PON1: variants seen among roughly 807,000 people sequenced by gnomAD.
PON1 encodes the protein serum paraoxonase/arylesterase 1.
Under a neutral mutation model 39.2 loss-of-function variants are expected in PON1, and 37 were observed. The ratio of observed to expected loss-of-function variants is 0.94; its 90% CI spans 0.73 to 1.24. The LOEUF is 1.24. PON1 is among the 50% of genes most tolerant of loss of function. PON1 has a pLI of 0.00. For missense variants in PON1, 397 were observed against 413.5 expected, an observed-to-expected ratio of 0.96 and a Z score of 0.35; for synonymous variants, 148 against 152.2, an observed-to-expected ratio of 0.97 and a Z score of 0.21.
rs10548570 is a variant in PON1, at chr7:95,308,475, CGT to C, written c.498-266_498-265del. Among the ~76,000 whole-genome samples the C allele has an allele frequency of 0.34, 49,532 of 146,776 alleles. 8,399 individuals carry two copies. The highest frequency in any genetic ancestry group is 0.62 in the East Asian group (3,072 of 4,986). On this transcript the variant is annotated intron_variant, in intron 5 of 8. Transcript: ENST00000222381. ...TATGTATCTTAAAATAGTGTTACGTCGTGTGTGTGTGTGTGTGTGTGTGTGTG... is the reference window on the plus strand; with the variant it reads ...TATGTATCTTAAAATAGTGTTACGTCGTGTGTGTGTGTGTGTGTGTGTGTG...
chr7:95,315,816 G>T (rs1807755421), intron 3 of PON1, among the ~76,000 whole-genome samples: 1 of 152,196 alleles, frequency 6.6e-6, no homozygotes. Flanking sequence ...AGTCTTCAAT[G>T]ATATAAGCAA....
chr7:95,304,327 CTTTTT>C (rs34709624), intron 7 of PON1, among the ~76,000 whole-genome samples: 3 of 109,522 alleles, frequency 2.7e-5, no homozygotes, highest in African/African-American at 8.1e-5. Flanking sequence ...AACTTCATTC[CTTTTT>C]TTTTTTTTTT....
Position 95,298,435 on chromosome 7 carries a change from C to CAG in PON1, c.*508_*509insCT, listed in dbSNP as rs1807332830. On this transcript the variant is annotated 3_prime_UTR_variant, in exon 9 of 9. Transcript: ENST00000222381. ...AATGGGAGTAAGTAAGTCTGACTGC[C>CAG]ATAGTCAGACTTACTATGTGCATGG... is the stretch of plus-strand genomic sequence containing the variant. The CAG allele has an allele frequency of 5.6e-6, 1 of 177,046 alleles. No individual in the cohort carries two copies. Among genetic ancestry groups the CAG allele is most frequent in the Admixed American group, 5.4e-5 (1 of 18,532 alleles). The allele number at this position is 177,046 out of a possible 1,614,324, so 11.0% of individuals were successfully genotyped here.
chr7:95,305,331 A>G (rs1807516821), intron 7 of PON1, among the ~76,000 whole-genome samples: 1 of 151,914 alleles, frequency 6.6e-6, no homozygotes, highest in South Asian at 2.1e-4. Context: ...TTGTGTTTTC[A>G]CCCATTTTGA....
intron 1 of PON1, among the ~76,000 whole-genome samples, chr7:95,319,288 C>A (rs1200065363): frequency 6.6e-6 from 1 of 152,040 alleles, no homozygotes; most frequent in Non-Finnish European, 1.5e-5. Flanking sequence ...GGATGGGCTA[C>A]AGGCGGAACA....
intron 3 of PON1, among the ~76,000 whole-genome samples, chr7:95,316,274 AG>A (rs1320867786): frequency 6.6e-6 from 1 of 152,198 alleles, no homozygotes; most frequent in African/African-American, 2.4e-5. Flanking sequence ...CTGTCTTCAA[AG>A]CTTGGGAATT....
chr7:95,307,331 GC>G (rs1807564638), intron 6 of PON1, among the ~76,000 whole-genome samples: 1 of 152,032 alleles, frequency 6.6e-6, no homozygotes, highest in East Asian at 1.9e-4. Context: ...AGGATTACAG[GC>G]ATGAACCACC....
In PON1 at chr7:95,316,614, C is replaced by G. The variant is rs947230511; in HGVS notation, c.201+120G>C. On this transcript the variant is annotated intron_variant, in intron 3 of 8. Coordinates refer to ENST00000222381, the MANE Select transcript of PON1 (RefSeq NM_000446.7). The stretch of plus-strand genomic sequence containing the variant: ...ATGCATACACAATTTGTCTTTTAAA[C>G]CATGACTGTTCATTTTATTTGAAAG... 2.8e-5 allele frequency: 24 copies of G among 868,522 alleles called. 1 individual carries two copies. In the Admixed American group the frequency reaches 4.1e-4, roughly 15 times the overall value. 53.8% of individuals were successfully genotyped at this position (868,522 alleles called of 1,614,324 possible).
intron 8 of PON1, among the ~76,000 whole-genome samples, chr7:95,300,371 T>A (rs562886554): frequency 1.3e-5 from 2 of 152,324 alleles, no homozygotes; most frequent in South Asian, 4.1e-4. Context: ...TAAGCCTTTA[T>A]GATAATATAT....
In PON1 at chr7:95,299,104, T is replaced by C; in HGVS notation, c.910-2A>G. 6.2e-7 allele frequency: 1 copy of C among 1,613,786 alleles called. No individual in the cohort carries two copies. The highest frequency in any genetic ancestry group is 8.5e-7 in the Non-Finnish European group (1 of 1,179,636). On this transcript the variant is annotated splice_acceptor_variant, in intron 8 of 8. Transcript: ENST00000222381. LOFTEE classifies it high-confidence loss of function. Reference sequence around the variant, plus strand: ...TAGAATGTTCTGGATTCGAAGCACCTGTGGAAGAAATAACATTGGGTTAAT... The same window carrying C: ...TAGAATGTTCTGGATTCGAAGCACCCGTGGAAGAAATAACATTGGGTTAAT...
intron 7 of PON1, among the ~76,000 whole-genome samples, chr7:95,305,652 C>T (rs1030857575): frequency 3.3e-5 from 5 of 151,984 alleles, no homozygotes; most frequent in African/African-American, 9.7e-5. Flanking sequence ...ATCGAGGTGA[C>T]GTTTTAGTAA....
intron 7 of PON1, 150 bp downstream of exon 7, chr7:95,306,135 C>T (rs1807535502): frequency 1.4e-6 from 1 of 701,926 alleles, no homozygotes; most frequent in Admixed American, 2.0e-5. Flanking sequence ...ACAACAAACA[C>T]ATAACCAAGC....
Position 95,320,338 on chromosome 7 carries a change from T to C in PON1, c.75-1945A>G, listed in dbSNP as rs1807868509. Reference sequence around the variant, plus strand: ...CTTCTCTCTCATAGAAGATGATCTCTAGCCTGGAAAACATAGAATAATCAC... The same window carrying C: ...CTTCTCTCTCATAGAAGATGATCTCCAGCCTGGAAAACATAGAATAATCAC... On this transcript the variant is annotated intron_variant, in intron 1 of 8. Coordinates refer to ENST00000222381, the MANE Select transcript of PON1 (RefSeq NM_000446.7). Among the ~76,000 whole-genome samples the C allele has an allele frequency of 2.6e-5, 4 of 152,178 alleles. No homozygotes were observed. The South Asian group carries it at 8.3e-4, about 31-fold the overall frequency.
At chr7:95,299,227 T>C in intron 8 of PON1, 125 bp from the exon 9 acceptor site, 1 of 1,091,822 alleles carries the variant, frequency 9.2e-7, no homozygotes, top group East Asian at 2.4e-5. Flanking sequence ...CCTATTTTGT[T>C]CCAAAATTAC....
chr7:95,322,823 C>T (rs1236504624), intron 1 of PON1, among the ~76,000 whole-genome samples: 1 of 152,142 alleles, frequency 6.6e-6, no homozygotes, highest in Non-Finnish European at 1.5e-5. Flanking sequence ...CAGTTCTTTT[C>T]TCTGTACTGC....
intron 5 of PON1, among the ~76,000 whole-genome samples, chr7:95,310,758 G>T (rs1228525915): frequency 6.6e-6 from 1 of 152,128 alleles, no homozygotes; most frequent in African/African-American, 2.4e-5. Flanking sequence ...AAATAGGTTG[G>T]GATTCTAGAA....
At position 95,315,405 on chromosome 7, in the gene PON1, G is replaced by A. The variant is rs948395172; in HGVS notation, c.287C>T (p.Thr96Ile). Residue 96 changes from threonine (T) to isoleucine (I), a missense_variant, in exon 4 of 9, where the codon ACA (threonine) becomes ATA (isoleucine). Physicochemically the swap from Thr to Ile is moderately conservative, Grantham distance 89. Coordinates refer to ENST00000222381, the MANE Select transcript of PON1 (RefSeq NM_000446.7). Reference sequence around the variant, plus strand: ...TCCAGTGATCCCCAATTCCAACACTGTTGGATCTTCTTCATTCAGGTCCAT... The same window carrying A: ...TCCAGTGATCCCCAATTCCAACACTATTGGATCTTCTTCATTCAGGTCCAT... ...LLMDLNEEDP[T>I]VLELGITGSK... 5.0e-6 allele frequency: 8 copies of A among 1,613,676 alleles called. No homozygotes were observed. The highest frequency in any genetic ancestry group is 5.1e-6 in the Non-Finnish European group (6 of 1,179,544).
At chr7:95,314,149 A>G (rs1390269027) in intron 4 of PON1, among the ~76,000 whole-genome samples, 22 of 152,094 alleles carry the variant, frequency 1.4e-4, no homozygotes, top group Admixed American at 1.4e-3. Context: ...GCCTGAGCTC[A>G]GGAGTTCGAG....
Position 95,307,073 on chromosome 7 carries a change from T to TA in PON1, c.699-708dup, listed in dbSNP as rs869261951. On this transcript the variant is annotated intron_variant, in intron 6 of 8. Transcript: ENST00000222381. Reference sequence around the variant, plus strand: ...TTTCTTTCTTTCTTTTTTTTTTTTTTAAAAAAAAACAGAGTCTTGCTCTGT... The same window carrying TA: ...TTTCTTTCTTTCTTTTTTTTTTTTTTAAAAAAAAAACAGAGTCTTGCTCTGT... Among the ~76,000 whole-genome samples, 54 of 71,660 alleles carry TA rather than the reference T, an allele frequency of 7.5e-4. 2 individuals are homozygous for TA. In the South Asian group the frequency reaches 0.018, roughly 24 times the overall value. 47.0% of individuals were successfully genotyped at this position (71,660 alleles called of 152,430 possible).
Sources: allele counts gnomAD v4.1 joint callset (sites outside exome capture counted in the v4.1 genomes callset), GRCh38; gene constraint gnomAD v4.1.1; transcripts MANE v1.5; gene names NCBI Gene and HGNC (gene_info 2026-07-23, HGNC 2026-07-21).